The following TBCK variants were observed in gnomAD, a reference collection of about 807,000 sequenced individuals.
TBCK encodes TBC1 domain containing kinase.
Under a neutral mutation model 113.4 loss-of-function variants are expected in TBCK, and 99 were observed. The observed-to-expected ratio is 0.87, with a 90% CI of 0.74 to 1.03. The LOEUF is 1.03. Ranked by LOEUF, TBCK falls within the 50% of genes least tolerant of loss-of-function variation. The pLI, the probability that TBCK is intolerant of heterozygous loss-of-function variation, is 0.00. For synonymous variants in TBCK, 369 were observed against 370.8 expected (o/e 1.00, Z 0.05); for missense variants, 1,045 against 1,061.3 (o/e 0.98, Z 0.21).
intron 5 of TBCK, among the ~76,000 whole-genome samples, chr4:106,253,485 C>T (rs1039239240): frequency 2.0e-5 from 3 of 152,066 alleles, no homozygotes; most frequent in African/African-American, 4.8e-5. Flanking sequence ...AATTTCTAAG[C>T]CATAGGATAT....
At chr4:106,046,981 G>A (rs989608232) in intron 25 of TBCK, among the ~76,000 whole-genome samples, 6 of 152,080 alleles carry the variant, frequency 3.9e-5, no homozygotes, top group African/African-American at 1.4e-4. Flanking sequence ...TATACAATGA[G>A]AAGTAAACTC....
chr4:106,190,806 T>C lies in TBCK; in HGVS notation c.2059+2803A>G, dbSNP rs540677117. On this transcript the variant is annotated intron_variant, in intron 22 of 25. Transcript: ENST00000394708. ...CCCAGGCTGGAGTGCAGAGGCGCCA[T>C]GTCGGCTCACTGCAAGCTCCGCCTC... Among the ~76,000 whole-genome samples, 9 of 152,164 alleles carry C rather than the reference T, an allele frequency of 5.9e-5. No homozygotes were observed. In the South Asian group the frequency reaches 1.9e-3, roughly 32 times the overall value.
At chr4:106,214,190 A>G (rs1314897130) in intron 19 of TBCK, among the ~76,000 whole-genome samples, 6 of 152,200 alleles carry the variant, frequency 3.9e-5, no homozygotes, top group African/African-American at 1.2e-4. Flanking sequence ...ACAAACAGAA[A>G]GGACATCCAC....
chr4:106,236,601 C>T (rs1759501113), intron 13 of TBCK, 82 bp from the exon 14 acceptor site: 40 of 1,229,830 alleles, frequency 3.3e-5, no homozygotes, highest in Non-Finnish European at 4.0e-5. Flanking sequence ...ACTCTACCAA[C>T]AGTGATTTCA....
At chr4:106,115,156 A>C (rs533040072) in intron 24 of TBCK, among the ~76,000 whole-genome samples, 1 of 152,348 alleles carries the variant, frequency 6.6e-6, no homozygotes, top group East Asian at 1.9e-4. Flanking sequence ...TGAAAATATT[A>C]ACATGAAAAC....
chr4:106,294,564 C>G (rs916765175), intron 3 of TBCK, among the ~76,000 whole-genome samples: 1 of 151,914 alleles, frequency 6.6e-6, no homozygotes, highest in Non-Finnish European at 1.5e-5. Context: ...TCACCGTAAG[C>G]TCCGCCTCCT....
chr4:106,202,880 G>A (rs995060280), intron 20 of TBCK, among the ~76,000 whole-genome samples: 1 of 151,970 alleles, frequency 6.6e-6, no homozygotes, highest in Non-Finnish European at 1.5e-5. Context: ...ATATATGAGA[G>A]TAATATTTGA....
chr4:106,057,334 G>A (rs1357103972), intron 25 of TBCK, among the ~76,000 whole-genome samples: 4 of 151,630 alleles, frequency 2.6e-5, no homozygotes, highest in African/African-American at 9.7e-5. Context: ...TGGGATCAAG[G>A]GCAAAAGAAA....
In TBCK at chr4:106,159,053, C is replaced by T. The variant is rs576899883; in HGVS notation, c.2235+12042G>A. ...TGGAGAGAAAAAAAAAAAACAACCA[C>T]ATGATCATCTAAATTGATACCAAAA... On this transcript the variant is annotated intron_variant, in intron 23 of 25. Transcript: ENST00000394708. 5.3e-5 allele frequency among the ~76,000 whole-genome samples: 8 copies of T among 149,608 alleles called. No homozygotes were observed. The South Asian group carries it at 1.5e-3, about 27-fold the overall frequency.
At position 106,140,573 on chromosome 4, in the gene TBCK, T is replaced by C. The variant is rs1051754045; in HGVS notation, c.2236-24195A>G. Among the ~76,000 whole-genome samples the C allele has an allele frequency of 2.5e-4, 36 of 141,432 alleles. 8 individuals are homozygous for C. Among genetic ancestry groups the C allele is most frequent in the Non-Finnish European group, 3.2e-5 (2 of 62,240 alleles). 92.8% of individuals were successfully genotyped at this position (141,432 alleles called of 152,430 possible). On this transcript the variant is annotated intron_variant, in intron 23 of 25. Coordinates refer to ENST00000394708, the MANE Select transcript of TBCK (RefSeq NM_001163435.3). ...AAAGAAAATTTAAGAGTACTTATTATTGTGTATCACTAGAAACAACAATCA... is the reference window on the plus strand; with the variant it reads ...AAAGAAAATTTAAGAGTACTTATTACTGTGTATCACTAGAAACAACAATCA...
At chr4:106,239,726 CT>C (rs146700532) in intron 12 of TBCK, among the ~76,000 whole-genome samples, 3,976 of 152,014 alleles carry the variant, frequency 0.026, 159 homozygotes, top group African/African-American at 0.091. Context: ...ATTAAGCAGA[CT>C]GAAGTAATGA....
rs575679909 is a variant in TBCK at position 106,256,330 on chromosome 4, C to T, written c.455+4107G>A. ...CTATTCGTGCCACGGAGCGCCTGCC[C>T]GCCAGCACTGAGCTGCCCTCAGCCC... On this transcript the variant is annotated intron_variant, in intron 5 of 25. Coordinates refer to ENST00000394708, the MANE Select transcript of TBCK (RefSeq NM_001163435.3). Among the ~76,000 whole-genome samples, 92 of 152,280 alleles carry T rather than the reference C, an allele frequency of 6.0e-4. 3 individuals are homozygous for T. Among genetic ancestry groups the T allele is most frequent in the Admixed American group, 1.7e-3 (26 of 15,302 alleles).
At chr4:106,182,639 G>C (rs1233033003) in intron 22 of TBCK, 1 of 152,058 alleles carries the variant, frequency 6.6e-6, no homozygotes, top group African/African-American at 2.4e-5. Flanking sequence ...TGTGGTTTTT[G>C]TCATTGGTTC....
intron 3 of TBCK, among the ~76,000 whole-genome samples, chr4:106,294,196 CTT>C (rs201062605): frequency 6.8e-6 from 1 of 147,970 alleles, no homozygotes; most frequent in East Asian, 2.0e-4. Context: ...GGAAAATAAT[CTT>C]TTTTTTTTTT....
intron 19 of TBCK, among the ~76,000 whole-genome samples, chr4:106,214,586 G>A (rs535037204): frequency 6.6e-5 from 10 of 152,288 alleles, no homozygotes; most frequent in African/African-American, 1.7e-4. Context: ...GTCAGGAGCC[G>A]ATGCGATCAA....
chr4:106,134,693 T>C (rs891062891), intron 23 of TBCK, among the ~76,000 whole-genome samples: 3 of 152,204 alleles, frequency 2.0e-5, no homozygotes, highest in African/African-American at 4.8e-5. Flanking sequence ...AGGACAATCA[T>C]TGTAGAGATT....
intron 5 of TBCK, among the ~76,000 whole-genome samples, chr4:106,260,213 T>C (rs1762374158): frequency 6.6e-6 from 1 of 151,870 alleles, no homozygotes; most frequent in Admixed American, 6.6e-5. Context: ...GTCAATACTG[T>C]TAGCTTCTCT....
chr4:106,059,868 GCTA>G lies in TBCK; in HGVS notation c.2572-13191_2572-13189del, dbSNP rs1382262488. Among the ~76,000 whole-genome samples the G allele has an allele frequency of 3.3e-5, 5 of 151,898 alleles. No individual in the cohort carries two copies. The South Asian group carries it at 8.3e-4, about 25-fold the overall frequency. On this transcript the variant is annotated intron_variant, in intron 25 of 25. Coordinates refer to ENST00000394708, the MANE Select transcript of TBCK (RefSeq NM_001163435.3). ...AAAATTCTTAAACGAAATTAAAGGT[GCTA>G]CTCCAGTGAACACACAAACGATAAG...
intron 23 of TBCK, among the ~76,000 whole-genome samples, chr4:106,150,157 T>C (rs548365570): frequency 1.1e-3 from 160 of 152,238 alleles, no homozygotes; most frequent in Non-Finnish European, 1.7e-3. Flanking sequence ...TAGGCTGAGA[T>C]TGTTGAATAG....
Sources: gnomAD v4.1 joint callset for allele counts (sites outside exome capture counted in the v4.1 genomes callset) on GRCh38, gnomAD v4.1.1 for gene constraint, MANE v1.5 for transcripts, NCBI Gene and HGNC (gene_info 2026-07-23, HGNC 2026-07-21) for gene names.